The following NPHS2 variants were observed in gnomAD, a reference collection of about 807,000 sequenced individuals.
NPHS2 encodes the protein podocin.
Under a neutral mutation model 37.1 loss-of-function variants are expected in NPHS2, and 36 were observed. The observed-to-expected ratio is 0.97, with a 90% CI of 0.74 to 1.28. The LOEUF (loss-of-function observed/expected upper bound fraction) is 1.28. NPHS2 is among the 50% of genes most tolerant of loss of function. The probability of loss-of-function intolerance (pLI) is 0.00; values close to 1 mark genes in which losing one functional copy is unlikely to be tolerated. For synonymous variants in NPHS2, 196 were observed against 189.3 expected (o/e 1.04, Z -0.29); for missense variants, 447 against 488.1 (o/e 0.92, Z 0.79).
At chr1:179,574,583 G>A (rs12752924) in intron 1 of NPHS2, among the ~76,000 whole-genome samples, 2 of 152,182 alleles carry the variant, frequency 1.3e-5, no homozygotes, top group Non-Finnish European at 2.9e-5. Flanking sequence ...GGGCAAAACA[G>A]TATTAACGTG....
intron 4 of NPHS2, 86 bp from the exon 5 acceptor site, chr1:179,557,316 G>T: frequency 9.3e-7 from 1 of 1,072,976 alleles, no homozygotes; most frequent in Non-Finnish European, 1.4e-6. Flanking sequence ...TGTTCAAAGT[G>T]AATTTTCTCC....
chr1:179,573,049 C>A (rs549872391), intron 1 of NPHS2, among the ~76,000 whole-genome samples: 1 of 152,096 alleles, frequency 6.6e-6, no homozygotes, highest in Non-Finnish European at 1.5e-5. Flanking sequence ...CCAGGCTGGT[C>A]TCAAACTCCA....
chr1:179,575,262 C>T (rs1674712378), intron 1 of NPHS2, among the ~76,000 whole-genome samples: 2 of 152,152 alleles, frequency 1.3e-5, no homozygotes, highest in South Asian at 4.1e-4. Context: ...ATTAGGTGCC[C>T]GTATGCCCCT....
In NPHS2 at chr1:179,575,636, C is replaced by T. The variant is rs1186309031; in HGVS notation, c.229G>A (p.Gly77Ser). ...TCCAACAGCGCCACCACCTCGGTGC[C>T]CTCCTCGCCGGAGCCTCGGACCTCA... ...VDEVRGSGEE[G>S]TEVVALLESE... Residue 77 changes from glycine (G) to serine (S), a missense_variant, in exon 1 of 8, where the codon GGC becomes AGC. Coordinates refer to ENST00000367615, the MANE Select transcript of NPHS2 (RefSeq NM_014625.4). The T allele has an allele frequency of 1.9e-6, 3 of 1,603,752 alleles. No homozygotes were observed. Among genetic ancestry groups the T allele is most frequent in the Non-Finnish European group, 2.5e-6 (3 of 1,179,862 alleles).
At chr1:179,554,425 C>T (rs755461314) in intron 6 of NPHS2, 51 bp downstream of exon 6, 1 of 1,605,954 alleles carries the variant, frequency 6.2e-7, no homozygotes, top group Non-Finnish European at 8.5e-7. Context: ...AAAATGAAAC[C>T]AGAATATTTT....
At chr1:179,559,887 C>A in intron 3 of NPHS2, 126 bp from the exon 4 acceptor site, 1 of 638,752 alleles carries the variant, frequency 1.6e-6, no homozygotes, top group Non-Finnish European at 2.9e-6. Context: ...ACCATTGGCC[C>A]ATCCCACCTC....
At position 179,551,016 on chromosome 1, in the gene NPHS2, C is replaced by T. The variant is rs1410590; in HGVS notation, c.*157G>A. The stretch of plus-strand genomic sequence containing the variant: ...CTTCTCTGTCATTACATCATTTCAC[C>T]GTCTTCTCATGGATGGTGCATTGTG... On this transcript the variant is annotated 3_prime_UTR_variant, in exon 8 of 8. Transcript: ENST00000367615. 0.92 allele frequency: 766,417 copies of T among 829,342 alleles called. 354,642 individuals carry two copies. Among genetic ancestry groups the T allele is most frequent in the East Asian group, 0.97 (36,560 of 37,684 alleles). The allele number at this position is 829,342 out of a possible 1,614,324, so 51.4% of individuals were successfully genotyped here. A position where few individuals can be genotyped will look rare whatever the true frequency, so the allele number is the denominator to read the frequency against.
chr1:179,568,039 C>T (rs1674404021), intron 1 of NPHS2, among the ~76,000 whole-genome samples: 1 of 152,086 alleles, frequency 6.6e-6, no homozygotes. Flanking sequence ...CTCTGCCAGG[C>T]TTTGGTATCA....
chr1:179,568,014 C>A (rs894566749), intron 1 of NPHS2, among the ~76,000 whole-genome samples: 2 of 152,208 alleles, frequency 1.3e-5, no homozygotes, highest in East Asian at 1.9e-4. Flanking sequence ...CTAAAATTCT[C>A]TTTTTTTGTT....
chr1:179,561,510 T>C (rs893786856), intron 2 of NPHS2, 149 bp from the exon 3 acceptor site: 10 of 647,422 alleles, frequency 1.5e-5, no homozygotes, highest in Admixed American at 1.1e-4. Context: ...CCAAAATCTA[T>C]ATTTAGTAAG....
intron 1 of NPHS2, among the ~76,000 whole-genome samples, chr1:179,568,079 G>C (rs539489567): frequency 6.6e-6 from 1 of 152,096 alleles, no homozygotes; most frequent in Non-Finnish European, 1.5e-5. Flanking sequence ...AAATGAGTTA[G>C]GGAGGATTCC....
intron 7 of NPHS2, chr1:179,551,837 T>A (rs913515): frequency 1 from 246,545 of 246,570 alleles, 123,260 homozygotes; most frequent in Middle Eastern, 1. Context: ...ATTTCTGAAG[T>A]GAAAGTGCTG....
rs769453449 is a variant in NPHS2 at position 179,557,047 on chromosome 1, T to A, written c.718A>T (p.Ser240Cys). The A allele has an allele frequency of 8.7e-6, 14 of 1,613,846 alleles. No individual in the cohort carries two copies. In the Admixed American group the frequency reaches 1.7e-4, roughly 19 times the overall value. Residue 240 changes from serine to cysteine, a missense_variant, in exon 5 of 8, where the codon AGC becomes TGC. Ser to Cys is a moderately radical substitution (Grantham distance 112). Transcript: ENST00000367615. Reference sequence around the variant, plus strand: ...AGTACCTTTGCATCTTGGGCGATGCTCTTCCTCTCTAGAAGAATTTCAGTG... The same window carrying A: ...AGTACCTTTGCATCTTGGGCGATGCACTTCCTCTCTAGAAGAATTTCAGTG... ...SLTEILLERK[S>C]IAQDAKVALD...
chr1:179,562,574 A>T (rs748427734), intron 2 of NPHS2, among the ~76,000 whole-genome samples: 4 of 152,234 alleles, frequency 2.6e-5, no homozygotes, highest in Non-Finnish European at 4.4e-5. Context: ...AAAATGTGAT[A>T]AAGAGGCCCA....
chr1:179,561,387 A>G, intron 2 of NPHS2, 26 bp from the exon 3 acceptor site: 5 of 1,531,472 alleles, frequency 3.3e-6, no homozygotes, highest in Non-Finnish European at 4.5e-6. Context: ...ATCCTTTCAA[A>G]TCACTCCCAG....
In NPHS2 at chr1:179,556,916, G is replaced by A; in HGVS notation, c.738+111C>T. ...CTAACTAGCTATGAGCTCCCAAAGG[G>A]ATGGCCCCTAAGGGATGGAACTGGC... is the stretch of plus-strand genomic sequence containing the variant. On this transcript the variant is annotated intron_variant, in intron 5 of 7. Transcript: ENST00000367615. The surrounding 1 kb of genome is among the most constrained non-coding windows in gnomAD (Gnocchi z 4.1). The A allele has an allele frequency of 9.6e-7, 1 of 1,047,024 alleles. No individual in the cohort carries two copies. 64.9% of individuals were successfully genotyped at this position (1,047,024 alleles called of 1,614,324 possible). A position where few individuals can be genotyped will look rare whatever the true frequency, so the allele number is the denominator to read the frequency against.
chr1:179,560,063 T>C (rs936884438), intron 3 of NPHS2, among the ~76,000 whole-genome samples: 3 of 152,170 alleles, frequency 2.0e-5, no homozygotes, highest in Non-Finnish European at 2.9e-5. Context: ...TAGAATTGAA[T>C]TTCCTAAGTA....
At chr1:179,569,685 G>A (rs1674478249) in intron 1 of NPHS2, among the ~76,000 whole-genome samples, 1 of 152,162 alleles carries the variant, frequency 6.6e-6, no homozygotes. Flanking sequence ...GGTACTGGTT[G>A]TTTCTTTCCA....
chr1:179,572,337 T>A (rs1284990127), intron 1 of NPHS2, among the ~76,000 whole-genome samples: 1 of 152,172 alleles, frequency 6.6e-6, no homozygotes, highest in East Asian at 1.9e-4. Context: ...ATCTCAATAG[T>A]CTTTGAAAAT....
Sources: gnomAD v4.1 joint callset for allele counts (sites outside exome capture counted in the v4.1 genomes callset) on GRCh38, gnomAD v4.1.1 for gene constraint, Gnocchi (gnomAD v3.1) non-coding constraint, MANE v1.5 for transcripts, NCBI Gene and HGNC (gene_info 2026-07-23, HGNC 2026-07-21) for gene names.